The following CSMD1 variants were observed in gnomAD, a reference collection of about 807,000 sequenced individuals.
CSMD1 encodes CUB and sushi domain-containing protein 1.
In CSMD1, 213 loss-of-function variants were observed where a neutral mutation model predicts 417.5. The observed-to-expected ratio is 0.51, with a 90% CI of 0.46 to 0.57. The LOEUF is 0.57. Among genes scored for constraint, CSMD1 ranks in the 20% least tolerant of loss-of-function variants. CSMD1 has a pLI of 0.00. For missense variants in CSMD1, 6,923 were observed against 4,529.7 expected, an observed-to-expected ratio of 1.53 and a Z score of -15.17; for synonymous variants, 2,862 against 1,736.8, an observed-to-expected ratio of 1.65 and a Z score of -16.11.
intron 1 of CSMD1, among the ~76,000 whole-genome samples, chr8:4,878,325 G>C (rs1333539414): frequency 1.3e-5 from 2 of 152,040 alleles, no homozygotes; most frequent in African/African-American, 4.8e-5. Context: ...TCTTTCTGCA[G>C]AACTCGGGAA....
chr8:4,022,206 A>G (rs549691194), intron 4 of CSMD1, among the ~76,000 whole-genome samples: 158 of 148,396 alleles, frequency 1.1e-3, no homozygotes, highest in African/African-American at 3.5e-3. Context: ...ATATAACAAT[A>G]GCATTGTTAT....
intron 1 of CSMD1, among the ~76,000 whole-genome samples, chr8:4,941,670 C>A (rs1352742396): frequency 6.6e-6 from 1 of 151,898 alleles, no homozygotes; most frequent in African/African-American, 2.4e-5. Context: ...ACAATCACAG[C>A]TCTCTGCAGC....
At chr8:4,434,663 ATTTAC>A (rs1798052027) in intron 2 of CSMD1, among the ~76,000 whole-genome samples, 1 of 152,096 alleles carries the variant, frequency 6.6e-6, no homozygotes, top group African/African-American at 2.4e-5. Flanking sequence ...CACAAACCCG[ATTTAC>A]TTTTTGACTG....
At chr8:3,518,295 T>C (rs537024129) in intron 10 of CSMD1, among the ~76,000 whole-genome samples, 119 of 152,350 alleles carry the variant, frequency 7.8e-4, no homozygotes, top group African/African-American at 2.8e-3. Flanking sequence ...AATTATTTCA[T>C]GCAGCCAAAA....
rs117000869 is a variant in CSMD1 at position 3,791,407 on chromosome 8, C to T, written c.819-37365G>A. ...TTTCAAAGCTCTTTGACAGGGGATT[C>T]TTAAAATTCCTCTGTATTTCTCACA... On this transcript the variant is annotated intron_variant, in intron 5 of 69. Transcript: ENST00000635120. 6.9e-3 allele frequency among the ~76,000 whole-genome samples: 1,057 copies of T among 152,276 alleles called. 11 individuals are homozygous for T. Among genetic ancestry groups the T allele is most frequent in the Non-Finnish European group, 0.012 (809 of 68,010 alleles).
intron 3 of CSMD1, among the ~76,000 whole-genome samples, chr8:4,220,888 G>C (rs945628558): frequency 2.0e-5 from 3 of 152,198 alleles, no homozygotes; most frequent in East Asian, 3.9e-4. Context: ...TTTGGGACTG[G>C]ATGTGGGAGG....
At chr8:4,073,409 G>C (rs892099898) in intron 3 of CSMD1, among the ~76,000 whole-genome samples, 1 of 152,092 alleles carries the variant, frequency 6.6e-6, no homozygotes, top group Admixed American at 6.6e-5. Context: ...AGAAGAAGCT[G>C]AGGGAAATTT....
intron 3 of CSMD1, among the ~76,000 whole-genome samples, chr8:4,114,065 T>G (rs1453687774): frequency 6.6e-6 from 1 of 152,192 alleles, no homozygotes; most frequent in Non-Finnish European, 1.5e-5. Context: ...ACAACAGATT[T>G]TCCATGTAGA....
intron 2 of CSMD1, among the ~76,000 whole-genome samples, chr8:4,615,031 A>C (rs1004438302): frequency 2.0e-5 from 3 of 152,210 alleles, no homozygotes; most frequent in African/African-American, 7.2e-5. Context: ...ATGACTTCAC[A>C]GTTATTTTCA....
intron 1 of CSMD1, among the ~76,000 whole-genome samples, chr8:4,673,336 G>C (rs1805448435): frequency 6.6e-6 from 1 of 152,168 alleles, no homozygotes; most frequent in African/African-American, 2.4e-5. Context: ...GGCAAAGTTA[G>C]TTTTACAGAT....
At position 3,230,241 on chromosome 8, in the gene CSMD1, A is replaced by T; in HGVS notation, c.4154-10T>A. On this transcript the variant is annotated splice_polypyrimidine_tract_variant and intron_variant, in intron 26 of 69. Coordinates refer to ENST00000635120, the MANE Select transcript of CSMD1 (RefSeq NM_033225.6). ...GTGGCTGCAATTGAGGCTGCAAACAAAAGAGAAGGCAAGGTCACAGGCTGG... is the reference window on the plus strand; with the variant it reads ...GTGGCTGCAATTGAGGCTGCAAACATAAGAGAAGGCAAGGTCACAGGCTGG... The T allele has an allele frequency of 6.4e-7, 1 of 1,559,958 alleles. No homozygotes were observed. Among genetic ancestry groups the T allele is most frequent in the Non-Finnish European group, 8.7e-7 (1 of 1,150,308 alleles).
At chr8:3,137,691 T>C (rs1392937702) in intron 41 of CSMD1, among the ~76,000 whole-genome samples, 1 of 152,208 alleles carries the variant, frequency 6.6e-6, no homozygotes, top group African/African-American at 2.4e-5. Flanking sequence ...ACAAAGCAAA[T>C]GCCGTGTAAA....
intron 5 of CSMD1, among the ~76,000 whole-genome samples, chr8:3,899,131 G>C (rs573829534): frequency 1.3e-5 from 2 of 152,278 alleles, no homozygotes; most frequent in African/African-American, 2.4e-5. Flanking sequence ...CGCCATGTTA[G>C]GTAACAAGGA....
At chr8:2,967,645 G>C (rs1804085026) in intron 57 of CSMD1, among the ~76,000 whole-genome samples, 2 of 152,084 alleles carry the variant, frequency 1.3e-5, no homozygotes, top group South Asian at 2.1e-4. Flanking sequence ...AGTGACCCTT[G>C]GCTGGTTAAC....
At chr8:4,073,343 G>C (rs1312859162) in intron 3 of CSMD1, among the ~76,000 whole-genome samples, 2 of 152,132 alleles carry the variant, frequency 1.3e-5, no homozygotes, top group Non-Finnish European at 2.9e-5. Flanking sequence ...AAAGCTGACA[G>C]TTCTTAGTCA....
intron 18 of CSMD1, among the ~76,000 whole-genome samples, chr8:3,371,189 C>A (rs907138547): frequency 2.0e-5 from 3 of 152,138 alleles, no homozygotes; most frequent in African/African-American, 4.8e-5. Flanking sequence ...GATCTTGGGA[C>A]CTTTTGGCCT....
chr8:3,908,249 T>C (rs146472356), intron 5 of CSMD1, among the ~76,000 whole-genome samples: 6 of 86,462 alleles, frequency 6.9e-5, no homozygotes, highest in East Asian at 3.3e-4. Context: ...TTAGGAGATA[T>C]GAGAAAGCTG....
intron 5 of CSMD1, among the ~76,000 whole-genome samples, chr8:3,776,179 G>T (rs149545480): frequency 6.6e-6 from 1 of 152,218 alleles, no homozygotes; most frequent in Non-Finnish European, 1.5e-5. Context: ...CTTCAGAACA[G>T]ATCCATGTCT....
intron 23 of CSMD1, among the ~76,000 whole-genome samples, chr8:3,324,739 C>T (rs997110754): frequency 5.3e-5 from 8 of 150,758 alleles, no homozygotes; most frequent in East Asian, 2.0e-4. Context: ...CAGGACGGGG[C>T]GTTTCCTTCA....
Sources: gnomAD v4.1 joint callset for allele counts (sites outside exome capture counted in the v4.1 genomes callset) on GRCh38, gnomAD v4.1.1 for gene constraint, MANE v1.5 for transcripts, NCBI Gene and HGNC (gene_info 2026-07-23, HGNC 2026-07-21) for gene names.